The following CNTN5 variants were observed in gnomAD, a reference collection of about 807,000 sequenced individuals.
CNTN5 encodes the protein contactin 5, also known as contactin-5.
In CNTN5, 77 loss-of-function variants were observed where a neutral mutation model predicts 129.1. That is an observed-to-expected ratio of 0.60 (90% CI 0.50 to 0.72). The LOEUF (loss-of-function observed/expected upper bound fraction) is 0.72, where lower values mean the gene tolerates loss of function less well. CNTN5 is among the 30% of genes least tolerant of loss of function. The pLI is 0.00. For missense variants in CNTN5, 1,478 were observed against 1,328.8 expected, an observed-to-expected ratio of 1.11 and a Z score of -1.75; for synonymous variants, 509 against 465.6, an observed-to-expected ratio of 1.09 and a Z score of -1.20.
intron 1 of CNTN5, among the ~76,000 whole-genome samples, chr11:99,135,871 T>C (rs942876197): frequency 2.0e-5 from 3 of 152,150 alleles, no homozygotes; most frequent in Non-Finnish European, 4.4e-5. Flanking sequence ...TTCTAAAACA[T>C]TAGTTCTAGA....
intron 13 of CNTN5, among the ~76,000 whole-genome samples, chr11:100,140,157 C>A (rs556582388): frequency 6.6e-6 from 1 of 152,300 alleles, no homozygotes; most frequent in African/African-American, 2.4e-5. Context: ...CCTGAAAGAG[C>A]AGAAGAATAA....
intron 4 of CNTN5, among the ~76,000 whole-genome samples, chr11:99,833,643 T>C (rs184234210): frequency 6.6e-6 from 1 of 152,316 alleles, no homozygotes; most frequent in East Asian, 1.9e-4. Flanking sequence ...AATACGTTTG[T>C]TGAGGTGCAA....
chr11:99,941,779 G>T (rs967937992), intron 7 of CNTN5, among the ~76,000 whole-genome samples: 2 of 152,078 alleles, frequency 1.3e-5, no homozygotes, highest in African/African-American at 4.8e-5. Context: ...CGTGTCCTAA[G>T]TTGGAAACTA....
intron 1 of CNTN5, among the ~76,000 whole-genome samples, chr11:99,072,499 C>T (rs1022154546): frequency 6.6e-6 from 1 of 151,954 alleles, no homozygotes; most frequent in Non-Finnish European, 1.5e-5. Context: ...TACATATTTG[C>T]ATATAAAATC....
At chr11:100,004,363 C>T (rs1157436095) in intron 9 of CNTN5, among the ~76,000 whole-genome samples, 1 of 152,086 alleles carries the variant, frequency 6.6e-6, no homozygotes, top group African/African-American at 2.4e-5. Flanking sequence ...TCCCCCTGTT[C>T]TTTCCATGGG....
intron 3 of CNTN5, among the ~76,000 whole-genome samples, chr11:99,602,903 AAAAC>A (rs1950361471): frequency 8.5e-6 from 1 of 117,460 alleles, no homozygotes; most frequent in African/African-American, 3.3e-5. Flanking sequence ...TGTTAGAAGG[AAAAC>A]TAACAACCAG....
intron 4 of CNTN5, among the ~76,000 whole-genome samples, chr11:99,836,764 G>A (rs1056074318): frequency 6.6e-6 from 1 of 152,182 alleles, no homozygotes; most frequent in African/African-American, 2.4e-5. Context: ...CACCAACAGT[G>A]TAAAAGCATT....
chr11:99,091,377 G>C (rs551042419), intron 1 of CNTN5, among the ~76,000 whole-genome samples: 2 of 152,156 alleles, frequency 1.3e-5, no homozygotes, highest in African/African-American at 4.8e-5. Context: ...GGTGGTCTCT[G>C]GTGCTAGTTT....
intron 1 of CNTN5, among the ~76,000 whole-genome samples, chr11:99,193,698 A>G (rs1858758356): frequency 6.6e-6 from 1 of 152,176 alleles, no homozygotes; most frequent in African/African-American, 2.4e-5. Context: ...AGATGAAAAA[A>G]CAACCCATGG....
chr11:99,290,464 TTTCTGTGGGCAGCCTCATCAGAG>T (rs1221422333), intron 1 of CNTN5, among the ~76,000 whole-genome samples: 1 of 151,858 alleles, frequency 6.6e-6, no homozygotes, highest in Non-Finnish European at 1.5e-5. Flanking sequence ...TACTAGAAAT[TTTCTGTGGGCAGCCTCATCAGAG>T]TTCTCTGCAG....
intron 1 of CNTN5, among the ~76,000 whole-genome samples, chr11:99,146,463 A>C (rs904810698): frequency 6.6e-6 from 1 of 152,142 alleles, no homozygotes; most frequent in Non-Finnish European, 1.5e-5. Flanking sequence ...CAATAAACAA[A>C]ATACCATATA....
chr11:99,229,505 T>C (rs1203023636), intron 1 of CNTN5, among the ~76,000 whole-genome samples: 1 of 71,968 alleles, frequency 1.4e-5, no homozygotes, highest in African/African-American at 5.4e-5. Context: ...ACTTGAATGA[T>C]AAAACTAAAT....
At chr11:100,063,805 T>C (rs578133826) in intron 10 of CNTN5, among the ~76,000 whole-genome samples, 1 of 152,020 alleles carries the variant, frequency 6.6e-6, no homozygotes, top group Non-Finnish European at 1.5e-5. Context: ...GAGAATCACC[T>C]GAACCCAGAA....
intron 3 of CNTN5, among the ~76,000 whole-genome samples, chr11:99,593,247 G>T (rs633812): frequency 0.41 from 62,575 of 151,950 alleles, 13,798 homozygotes; most frequent in Admixed American, 0.54. Context: ...ATCTTATCTT[G>T]TAATATCCCC....
chr11:99,254,926 T>C (rs1026464168), intron 1 of CNTN5, among the ~76,000 whole-genome samples: 2 of 151,998 alleles, frequency 1.3e-5, no homozygotes, highest in African/African-American at 4.8e-5. Context: ...AGCATTTATT[T>C]TGGCCAAAGA....
chr11:99,103,436 AT>A (rs1364056673), intron 1 of CNTN5, among the ~76,000 whole-genome samples: 1 of 152,074 alleles, frequency 6.6e-6, no homozygotes, highest in African/African-American at 2.4e-5. Flanking sequence ...AAATATCTTT[AT>A]TATTTTCATC....
intron 1 of CNTN5, among the ~76,000 whole-genome samples, chr11:99,024,406 G>C (rs1318273619): frequency 6.6e-6 from 1 of 152,076 alleles, no homozygotes; most frequent in Non-Finnish European, 1.5e-5. Context: ...AGGGAAACAT[G>C]AATTTGCTTT....
Position 100,255,803 on chromosome 11 carries a change from C to G in CNTN5, c.2049C>G (p.Thr683=). The part of the protein sequence containing the change: ...PPGIVIVEEI[T]ESTATLSWSP... ...GGATAGTAATTGTTGAGGAAATAAC[C>G]GAAAGTACGGCCACACTGTCCTGGA... The change falls in exon 17 of 25, where the codon ACC becomes ACG. Residue 683 remains threonine (T), a synonymous_variant. Transcript: ENST00000524871. 6.2e-7 allele frequency: 1 copy of G among 1,613,854 alleles called. No individual in the cohort carries two copies. The highest frequency in any genetic ancestry group is 1.1e-5 in the South Asian group (1 of 91,078).
At chr11:100,033,141 G>T (rs796562626) in intron 9 of CNTN5, among the ~76,000 whole-genome samples, 85 of 152,260 alleles carry the variant, frequency 5.6e-4, no homozygotes, top group African/African-American at 1.9e-3. Flanking sequence ...AATATAGACA[G>T]TTTTTAAAGT....
Sources: gnomAD v4.1 joint callset for allele counts (sites outside exome capture counted in the v4.1 genomes callset) on GRCh38, gnomAD v4.1.1 for gene constraint, MANE v1.5 for transcripts, NCBI Gene and HGNC (gene_info 2026-07-23, HGNC 2026-07-21) for gene names.